FSTL4: variants seen among roughly 807,000 people sequenced by gnomAD.
FSTL4 encodes the protein follistatin-related protein 4.
FSTL4 carries 28 observed loss-of-function variants against 78.2 expected under a neutral mutation model. The ratio of observed to expected loss-of-function variants is 0.36; its 90% CI spans 0.27 to 0.49. FSTL4 has a LOEUF of 0.49. Among genes scored for constraint, FSTL4 ranks in the 20% least tolerant of loss-of-function variants. The probability of loss-of-function intolerance (pLI) is 0.98; values close to 1 mark genes in which losing one functional copy is unlikely to be tolerated. For synonymous variants in FSTL4, 422 were observed against 440.5 expected (o/e 0.96, Z 0.53); for missense variants, 922 against 1,084.9 (o/e 0.85, Z 2.11).
chr5:133,710,166 A>T, the FSTL4 span, among the ~76,000 whole-genome samples: 3 of 152,196 alleles, frequency 2.0e-5, no homozygotes, highest in Non-Finnish European at 2.9e-5. Context: ...GCTATCAGCC[A>T]TCAGCCCCCC....
chr5:133,284,030 C>T (rs1383659970), intron 6 of FSTL4, among the ~76,000 whole-genome samples: 3 of 152,182 alleles, frequency 2.0e-5, no homozygotes, highest in Admixed American at 2.0e-4. Flanking sequence ...ATCCCATGAT[C>T]CAATCACCTC....
intron 2 of FSTL4, among the ~76,000 whole-genome samples, chr5:133,599,847 T>TG (rs959998511): frequency 4.6e-4 from 70 of 150,778 alleles, no homozygotes; most frequent in African/African-American, 1.7e-3. Context: ...GCTGCAAAAG[T>TG]GGGGGGGCGG....
At chr5:133,574,414 T>C (rs1178732087) in intron 2 of FSTL4, among the ~76,000 whole-genome samples, 1 of 152,224 alleles carries the variant, frequency 6.6e-6, no homozygotes, top group Non-Finnish European at 1.5e-5. Context: ...GAGAGGCTCC[T>C]CCCCTGGAGA....
chr5:133,628,396 G>A, the FSTL4 span, among the ~76,000 whole-genome samples: 1 of 147,090 alleles, frequency 6.8e-6, no homozygotes, highest in Admixed American at 6.8e-5. Flanking sequence ...TTTTGCTCCT[G>A]TTGCCCAGGC....
At chr5:133,291,769 G>T (rs1753268325) in intron 6 of FSTL4, among the ~76,000 whole-genome samples, 3 of 151,130 alleles carry the variant, frequency 2.0e-5, no homozygotes, top group African/African-American at 7.3e-5. Flanking sequence ...GTGTAGGGGA[G>T]GTGGGGAGGG....
intron 6 of FSTL4, among the ~76,000 whole-genome samples, chr5:133,292,062 G>C (rs1270113498): frequency 2.0e-5 from 3 of 152,166 alleles, no homozygotes; most frequent in Non-Finnish European, 4.4e-5. Context: ...CCATGGAGAT[G>C]GGCACTGGCA....
At chr5:133,659,091 T>C in the FSTL4 span, among the ~76,000 whole-genome samples, 1 of 152,122 alleles carries the variant, frequency 6.6e-6, no homozygotes, top group Non-Finnish European at 1.5e-5. Flanking sequence ...GAAAAGAAAG[T>C]ATTTTGCTTA....
In FSTL4 at chr5:133,454,802, G is replaced by T. The variant is rs572539787; in HGVS notation, c.161-53816C>A. Among the ~76,000 whole-genome samples, 45 of 152,232 alleles carry T rather than the reference G, an allele frequency of 3.0e-4. No homozygotes were observed. In the South Asian group the frequency reaches 8.9e-3, roughly 30 times the overall value. On this transcript the variant is annotated intron_variant, in intron 3 of 15. Coordinates refer to ENST00000265342, the MANE Select transcript of FSTL4 (RefSeq NM_015082.2). ...CTTGAAGGCTCTTTTTCTTTTCTGT[G>T]GGGGGTGGTCCCTCAGCAACCAGAC...
At chr5:133,216,383 C>T (rs938267824) in intron 13 of FSTL4, among the ~76,000 whole-genome samples, 20 of 147,976 alleles carry the variant, frequency 1.4e-4, no homozygotes, top group East Asian at 2.0e-4. Context: ...CTCCACCTCC[C>T]GGGTTGAAGT....
In FSTL4 at chr5:133,199,437, T is replaced by C. The variant is rs141195594; in HGVS notation, c.2187A>G (p.Gln729=). The C allele has an allele frequency of 6.6e-4, 1,060 of 1,614,194 alleles. 1 individual carries two copies. Among genetic ancestry groups the C allele is most frequent in the Admixed American group, 2.2e-3 (133 of 60,030 alleles). ...RGEIQTLYDL[Q]INSGISDLAF... is the part of the protein sequence containing the mutation. ...CCAAGTCTGAGATGCCCGAGTTTAT[T>C]TGCAGGTCATACAGGGTCTGGATCT... The change falls in exon 16 of 16, where the codon CAA becomes CAG. Residue 729 remains glutamine (Q), a synonymous_variant. Transcript: ENST00000265342. This position sits in a 1 kb window ranked among gnomAD's most constrained non-coding sequence, Gnocchi z 4.4.
intron 3 of FSTL4, among the ~76,000 whole-genome samples, chr5:133,421,557 C>T (rs530615054): frequency 6.7e-4 from 102 of 152,240 alleles, no homozygotes; most frequent in Non-Finnish European, 1.2e-3. Flanking sequence ...GTGCATTCCA[C>T]GGGGTGGCCA....
At chr5:133,601,593 G>A (rs1369285866) in intron 2 of FSTL4, among the ~76,000 whole-genome samples, 1 of 152,176 alleles carries the variant, frequency 6.6e-6, no homozygotes, top group Non-Finnish European at 1.5e-5. Flanking sequence ...GATGAACAGA[G>A]TGTGAGCAAG....
At position 133,307,183 on chromosome 5, in the gene FSTL4, T is replaced by C. The variant is rs548702614; in HGVS notation, c.727+5471A>G. Among the ~76,000 whole-genome samples the C allele has an allele frequency of 5.9e-5, 9 of 152,256 alleles. No individual in the cohort carries two copies. The South Asian group carries it at 1.9e-3, about 32-fold the overall frequency. On this transcript the variant is annotated intron_variant, in intron 6 of 15. Transcript: ENST00000265342. ...AGCTTGGACTCTGGAGTCCACACTC[T>C]TAATAATCAGGCCACAGCCTTGTTA...
At chr5:133,290,569 A>T (rs1753238484) in intron 6 of FSTL4, among the ~76,000 whole-genome samples, 1 of 152,212 alleles carries the variant, frequency 6.6e-6, no homozygotes, top group African/African-American at 2.4e-5. Context: ...TCTGTGGATT[A>T]TGACATGGCT....
At chr5:133,354,609 C>T (rs1392212070) in intron 4 of FSTL4, among the ~76,000 whole-genome samples, 2 of 152,234 alleles carry the variant, frequency 1.3e-5, no homozygotes, top group East Asian at 3.8e-4. Flanking sequence ...AGAGTTTGAA[C>T]TCATCCCTCC....
chr5:133,632,772 A>G, the FSTL4 span, among the ~76,000 whole-genome samples: 1 of 150,750 alleles, frequency 6.6e-6, no homozygotes, highest in African/African-American at 2.4e-5. Context: ...GGCAGTCTCA[A>G]CCTCCTGGGG....
At chr5:133,499,381 C>T (rs976471495) in intron 3 of FSTL4, among the ~76,000 whole-genome samples, 4 of 141,170 alleles carry the variant, frequency 2.8e-5, no homozygotes, top group Admixed American at 2.7e-4. Flanking sequence ...CACACACACA[C>T]ACACACACAC....
the FSTL4 span, among the ~76,000 whole-genome samples, chr5:133,832,149 A>C: frequency 6.6e-6 from 1 of 152,252 alleles, no homozygotes; most frequent in South Asian, 2.1e-4. Context: ...CTCAGGAAGC[A>C]GTGTCAGCCT....
the FSTL4 span, among the ~76,000 whole-genome samples, chr5:133,668,607 T>C: frequency 3.4e-4 from 52 of 152,314 alleles, no homozygotes; most frequent in African/African-American, 1.2e-3. Flanking sequence ...GTGCTAGACC[T>C]TCTGACACTG....
Sources: gnomAD v4.1 joint callset for allele counts (sites outside exome capture counted in the v4.1 genomes callset) on GRCh38, gnomAD v4.1.1 for gene constraint, Gnocchi (gnomAD v3.1) non-coding constraint, MANE v1.5 for transcripts, NCBI Gene and HGNC (gene_info 2026-07-23, HGNC 2026-07-21) for gene names.